The following SGCZ variants were observed in gnomAD, a reference collection of about 807,000 sequenced individuals.
SGCZ encodes the protein sarcoglycan zeta.
A neutral mutation model predicts 41.3 loss-of-function variants in SGCZ; 40 were observed. The ratio of observed to expected loss-of-function variants is 0.97; its 90% confidence interval spans 0.75 to 1.26. The LOEUF (loss-of-function observed/expected upper bound fraction) is 1.26, where lower values mean the gene tolerates loss of function less well. Ranked by LOEUF, SGCZ falls within the 50% of genes most tolerant of loss-of-function variation. The pLI, the probability that SGCZ is intolerant of heterozygous loss-of-function variation, is 0.00. For synonymous variants in SGCZ, 206 were observed against 137.5 expected (o/e 1.50, Z -3.49); for missense variants, 552 against 369.8 (o/e 1.49, Z -4.04).
chr8:15,181,277 T>C (rs1320598022), intron 1 of SGCZ, among the ~76,000 whole-genome samples: 2 of 151,274 alleles, frequency 1.3e-5, no homozygotes, highest in Non-Finnish European at 2.9e-5. Context: ...TCTTTTTACT[T>C]TCTGCACCTC....
intron 1 of SGCZ, among the ~76,000 whole-genome samples, chr8:14,601,229 G>A (rs2064389161): frequency 6.6e-6 from 1 of 151,812 alleles, no homozygotes; most frequent in South Asian, 2.1e-4. Context: ...AAATCATAAT[G>A]TATACATTCA....
At chr8:14,965,569 A>G (rs894651366) in intron 1 of SGCZ, among the ~76,000 whole-genome samples, 2 of 152,182 alleles carry the variant, frequency 1.3e-5, no homozygotes, top group Admixed American at 1.3e-4. Context: ...CAAATACACT[A>G]CACTACAAGA....
chr8:14,299,622 C>A (rs2162438), intron 3 of SGCZ, among the ~76,000 whole-genome samples: 73,531 of 151,548 alleles, frequency 0.49, 18,947 homozygotes, highest in Non-Finnish European at 0.58. Context: ...AAATCCCACA[C>A]ACACTTCTTT....
chr8:15,023,186 T>C (rs986118696), intron 1 of SGCZ, among the ~76,000 whole-genome samples: 3 of 152,190 alleles, frequency 2.0e-5, no homozygotes, highest in African/African-American at 4.8e-5. Flanking sequence ...ACAGATTAAA[T>C]AGCATCTGAG....
At chr8:14,681,544 G>A (rs984450997) in intron 1 of SGCZ, among the ~76,000 whole-genome samples, 10 of 152,200 alleles carry the variant, frequency 6.6e-5, no homozygotes, top group East Asian at 3.9e-4. Flanking sequence ...CATGTTGCTC[G>A]GACTTCGAAT....
At chr8:15,195,256 G>A (rs1042256469) in intron 1 of SGCZ, among the ~76,000 whole-genome samples, 2 of 152,126 alleles carry the variant, frequency 1.3e-5, no homozygotes, top group Admixed American at 1.3e-4. Context: ...TTTACTGGGA[G>A]ACGTGTGTCC....
At chr8:14,885,986 TA>T (rs1178280965) in intron 1 of SGCZ, among the ~76,000 whole-genome samples, 413 of 5,424 alleles carry the variant, frequency 0.076, 6 homozygotes, top group South Asian at 0.25. Flanking sequence ...GACTTTATGT[TA>T]TATATATATA....
At chr8:15,226,445 C>T (rs957751319) in intron 1 of SGCZ, among the ~76,000 whole-genome samples, 1 of 152,080 alleles carries the variant, frequency 6.6e-6, no homozygotes, top group African/African-American at 2.4e-5. Context: ...ATCTGTGGTT[C>T]TTTTTTCACC....
At chr8:14,219,253 T>C (rs547482708) in intron 4 of SGCZ, among the ~76,000 whole-genome samples, 31 of 152,218 alleles carry the variant, frequency 2.0e-4, no homozygotes, top group South Asian at 1.4e-3. Context: ...AAAGTCATGG[T>C]CACTGTTTGA....
chr8:15,163,426 A>G (rs1172527401), intron 1 of SGCZ, among the ~76,000 whole-genome samples: 1 of 152,132 alleles, frequency 6.6e-6, no homozygotes, highest in African/African-American at 2.4e-5. Context: ...ATTTATATAC[A>G]CTGAAAGGCC....
At chr8:15,220,074 T>C (rs1458916526) in intron 1 of SGCZ, among the ~76,000 whole-genome samples, 1 of 152,184 alleles carries the variant, frequency 6.6e-6, no homozygotes, top group African/African-American at 2.4e-5. Flanking sequence ...ATATGGATCT[T>C]AAAATAATTT....
At chr8:14,820,342 T>A (rs1286619055) in intron 1 of SGCZ, among the ~76,000 whole-genome samples, 1 of 151,960 alleles carries the variant, frequency 6.6e-6, no homozygotes, top group Non-Finnish European at 1.5e-5. Context: ...CACCCAACAC[T>A]GGAGCACCCA....
intron 1 of SGCZ, among the ~76,000 whole-genome samples, chr8:15,110,944 G>C (rs946496360): frequency 6.6e-6 from 1 of 151,212 alleles, no homozygotes; most frequent in African/African-American, 2.4e-5. Context: ...CTCCAGTCTG[G>C]GCAAAAAAAA....
chr8:15,035,766 C>A lies in SGCZ; in HGVS notation c.39+201819G>T, dbSNP rs562863681. ...GGTCAGTACACAATAATAAAGGGAT[C>A]AATTTATCAAGAGAATATAACAATT... On this transcript the variant is annotated intron_variant, in intron 1 of 7. Transcript: ENST00000382080. 5.5e-4 allele frequency among the ~76,000 whole-genome samples: 84 copies of A among 152,130 alleles called. 2 individuals are homozygous for A. Among genetic ancestry groups the A allele is most frequent in the Non-Finnish European group, 7.4e-5 (5 of 67,956 alleles).
At chr8:15,069,363 CAA>C (rs754531046) in intron 1 of SGCZ, among the ~76,000 whole-genome samples, 2 of 152,064 alleles carry the variant, frequency 1.3e-5, no homozygotes, top group Non-Finnish European at 2.9e-5. Context: ...GTGTATTGGT[CAA>C]AGTCTAGAAT....
chr8:14,754,438 A>T (rs1046997980), intron 1 of SGCZ, among the ~76,000 whole-genome samples: 2 of 152,094 alleles, frequency 1.3e-5, no homozygotes. Flanking sequence ...ACATATGTAT[A>T]TGTGTTATAT....
intron 2 of SGCZ, among the ~76,000 whole-genome samples, chr8:14,413,428 G>C (rs1212449282): frequency 6.6e-6 from 1 of 151,708 alleles, no homozygotes; most frequent in Non-Finnish European, 1.5e-5. Context: ...TTCTATCTTT[G>C]CAAGGAAAGA....
intron 2 of SGCZ, among the ~76,000 whole-genome samples, chr8:14,511,563 A>C (rs945348970): frequency 1.3e-5 from 2 of 152,102 alleles, no homozygotes; most frequent in Non-Finnish European, 2.9e-5. Flanking sequence ...AACAAAATAG[A>C]GATCTTATAA....
chr8:14,412,257 A>G lies in SGCZ; in HGVS notation c.235-88053T>C, dbSNP rs557595731. On this transcript the variant is annotated intron_variant, in intron 2 of 7. Coordinates refer to ENST00000382080, the MANE Select transcript of SGCZ (RefSeq NM_139167.4). ...GCCTCAGTTTCCTCTTTTGGAAAAA[A>G]TCAAACAATATTTTAGACCCTAAGG... Among the ~76,000 whole-genome samples the G allele has an allele frequency of 5.3e-4, 80 of 152,226 alleles. 1 individual carries two copies. The East Asian group carries it at 0.015, about 29-fold the overall frequency.
Sources: gnomAD v4.1 joint callset for allele counts (sites outside exome capture counted in the v4.1 genomes callset) on GRCh38, gnomAD v4.1.1 for gene constraint, MANE v1.5 for transcripts, NCBI Gene and HGNC (gene_info 2026-07-23, HGNC 2026-07-21) for gene names.